The following GPR176 variants were observed in gnomAD, a reference collection of about 807,000 sequenced individuals.
The protein encoded by GPR176 is G-protein coupled receptor 176.
In GPR176, 26 loss-of-function variants were observed where a neutral mutation model predicts 35.4. The observed-to-expected ratio is 0.74, with a 90% CI of 0.54 to 1.02. The LOEUF (loss-of-function observed/expected upper bound fraction) is 1.02, where lower values mean the gene tolerates loss of function less well. Among genes scored for constraint, GPR176 ranks in the 50% least tolerant of loss-of-function variants. The probability of loss-of-function intolerance (pLI) is 0.00; values close to 1 mark genes in which losing one functional copy is unlikely to be tolerated. For missense variants in GPR176, 597 were observed against 665.3 expected, an observed-to-expected ratio of 0.90 and a Z score of 1.13; for synonymous variants, 278 against 271.3, an observed-to-expected ratio of 1.02 and a Z score of -0.24.
At chr15:39,813,207 A>C (rs1899684207) in intron 1 of GPR176, 2 of 152,252 alleles carry the variant, frequency 1.3e-5, no homozygotes, top group South Asian at 4.1e-4. Flanking sequence ...ATTAAAAATA[A>C]GAAAAAATCT....
intron 1 of GPR176, among the ~76,000 whole-genome samples, chr15:39,878,745 A>T (rs1430489677): frequency 6.6e-6 from 1 of 152,194 alleles, no homozygotes; most frequent in Non-Finnish European, 1.5e-5. Flanking sequence ...CATTCATACC[A>T]GTGTACGAGG....
intron 1 of GPR176, among the ~76,000 whole-genome samples, chr15:39,877,444 C>T (rs1310158789): frequency 2.0e-5 from 3 of 152,104 alleles, no homozygotes; most frequent in Non-Finnish European, 2.9e-5. Flanking sequence ...TTTTTCTAAA[C>T]ATTTTATTGC....
chr15:39,847,577 C>T (rs1334314679), intron 1 of GPR176, among the ~76,000 whole-genome samples: 1 of 151,724 alleles, frequency 6.6e-6, no homozygotes, highest in African/African-American at 2.4e-5. Context: ...AACCCCATCT[C>T]TACAAAAATA....
intron 1 of GPR176, among the ~76,000 whole-genome samples, chr15:39,851,413 T>C (rs2030856013): frequency 6.6e-6 from 1 of 152,184 alleles, no homozygotes; most frequent in African/African-American, 2.4e-5. Flanking sequence ...TTGCTTACCC[T>C]GAAGCTGTCA....
chr15:39,866,521 T>G (rs909507655), intron 1 of GPR176, among the ~76,000 whole-genome samples: 1 of 152,116 alleles, frequency 6.6e-6, no homozygotes, highest in Non-Finnish European at 1.5e-5. Context: ...TAGTAAGAAA[T>G]AGCAAACTTC....
chr15:39,864,597 G>A (rs1319626272), intron 1 of GPR176, among the ~76,000 whole-genome samples: 2 of 151,896 alleles, frequency 1.3e-5, no homozygotes, highest in Admixed American at 6.6e-5. Flanking sequence ...CTTAAAAAAG[G>A]AAACCTAGGA....
chr15:39,851,642 A>T (rs568001922), intron 1 of GPR176, among the ~76,000 whole-genome samples: 1 of 152,198 alleles, frequency 6.6e-6, no homozygotes, highest in Non-Finnish European at 1.5e-5. Flanking sequence ...GTTCTCATCC[A>T]TTAACATCAA....
chr15:39,918,044 T>TTAAA (rs2033772912), intron 1 of GPR176, among the ~76,000 whole-genome samples: 1 of 111,456 alleles, frequency 9.0e-6, no homozygotes. Flanking sequence ...AAACTCTGTC[T>TTAAA]AAAAAAAAAA....
intron 1 of GPR176, among the ~76,000 whole-genome samples, chr15:39,827,074 G>A (rs1205609978): frequency 6.6e-6 from 1 of 152,138 alleles, no homozygotes; most frequent in Admixed American, 6.5e-5. Flanking sequence ...TGGAGGCTAT[G>A]CTAAAAACAG....
intron 1 of GPR176, among the ~76,000 whole-genome samples, chr15:39,837,731 C>T (rs1187467743): frequency 1.3e-5 from 2 of 151,930 alleles, no homozygotes; most frequent in Non-Finnish European, 2.9e-5. Context: ...TGAGGTAAGG[C>T]CCTCATAAGA....
At position 39,829,379 on chromosome 15, in the gene GPR176, T is replaced by C. The variant is rs533764695; in HGVS notation, c.173-22121A>G. The C allele has an allele frequency of 1.4e-5, 17 of 1,239,424 alleles. No homozygotes were observed. The East Asian group carries it at 5.6e-4, about 41-fold the overall frequency. 76.8% of individuals were successfully genotyped at this position (1,239,424 alleles called of 1,614,324 possible). ...TGCGCAGGACACAAGGAGCTCACAA[T>C]GCTCTGAGGTCAAATCTAGGAAAGC... On this transcript the variant is annotated intron_variant, in intron 1 of 2. Transcript: ENST00000561100.
intron 1 of GPR176, among the ~76,000 whole-genome samples, chr15:39,852,407 A>T (rs76930593): frequency 6.6e-6 from 1 of 152,200 alleles, no homozygotes; most frequent in African/African-American, 2.4e-5. Context: ...CAAAATGTCA[A>T]GTTCAGCACT....
intron 1 of GPR176, among the ~76,000 whole-genome samples, chr15:39,902,374 T>G (rs368524749): frequency 6.6e-6 from 1 of 152,234 alleles, no homozygotes; most frequent in South Asian, 2.1e-4. Context: ...GATTTGACAC[T>G]CTTCAGGGAA....
chr15:39,843,308 CA>C (rs1480801817), intron 1 of GPR176, among the ~76,000 whole-genome samples: 1 of 152,046 alleles, frequency 6.6e-6, no homozygotes, highest in East Asian at 1.9e-4. Context: ...AAAGATAGTA[CA>C]AAATGGCCTC....
chr15:39,891,621 G>A (rs2032875311), intron 1 of GPR176, among the ~76,000 whole-genome samples: 1 of 152,182 alleles, frequency 6.6e-6, no homozygotes, highest in African/African-American at 2.4e-5. Context: ...ACAAGCATGT[G>A]CCACCATGCC....
intron 1 of GPR176, among the ~76,000 whole-genome samples, chr15:39,874,833 C>G (rs1017505276): frequency 6.6e-6 from 1 of 152,110 alleles, no homozygotes; most frequent in Non-Finnish European, 1.5e-5. Flanking sequence ...CACCTGAGGT[C>G]GGGAGTTCAA....
intron 1 of GPR176, among the ~76,000 whole-genome samples, chr15:39,867,179 G>A (rs553261266): frequency 6.6e-6 from 1 of 152,158 alleles, no homozygotes; most frequent in Non-Finnish European, 1.5e-5. Context: ...AGTGCAAAAC[G>A]AATTTACAGG....
At chr15:39,909,754 G>A (rs2033528182) in intron 1 of GPR176, 1 of 185,896 alleles carries the variant, frequency 5.4e-6, no homozygotes, top group East Asian at 1.9e-4. Context: ...TTTTAATGCT[G>A]ATATCTGAAG....
intron 1 of GPR176, among the ~76,000 whole-genome samples, chr15:39,906,184 C>T (rs755107164): frequency 1.3e-5 from 2 of 152,208 alleles, no homozygotes; most frequent in Non-Finnish European, 2.9e-5. Context: ...GTAAAACCTA[C>T]GGCATTTAGT....
Sources: allele counts gnomAD v4.1 joint callset (sites outside exome capture counted in the v4.1 genomes callset), GRCh38; gene constraint gnomAD v4.1.1; transcripts MANE v1.5; gene names NCBI Gene and HGNC (gene_info 2026-07-23, HGNC 2026-07-21).